PHF21A: variants seen among roughly 807,000 people sequenced by gnomAD.
PHF21A encodes the protein BHC80a.
In PHF21A, 11 loss-of-function variants were observed where a neutral mutation model predicts 82.5. The observed-to-expected ratio is 0.13, with a 90% CI of 0.08 to 0.22. The LOEUF is 0.22. PHF21A is among the 10% of genes least tolerant of loss of function. PHF21A has a pLI of 1.00. For missense variants in PHF21A, 579 were observed against 837.8 expected (o/e 0.69, Z 3.81); for synonymous variants, 297 against 302.8 (o/e 0.98, Z 0.20).
chr11:46,052,214 G>C (rs929542116), intron 6 of PHF21A, among the ~76,000 whole-genome samples: 9 of 152,170 alleles, frequency 5.9e-5, no homozygotes, highest in African/African-American at 2.2e-4. Flanking sequence ...CTCTTCAATG[G>C]AGTTGATTAA....
intron 6 of PHF21A, among the ~76,000 whole-genome samples, chr11:46,068,125 T>A (rs779853827): frequency 1.3e-5 from 2 of 151,946 alleles, no homozygotes; most frequent in African/African-American, 2.4e-5. Flanking sequence ...TGAGAATGAG[T>A]TGCTAAAGGT....
intron 6 of PHF21A, among the ~76,000 whole-genome samples, chr11:46,071,258 C>T (rs183828950): frequency 2.6e-5 from 4 of 152,250 alleles, no homozygotes; most frequent in Admixed American, 6.5e-5. Context: ...AAAATGAATA[C>T]GCCCCAGGTA....
At chr11:45,963,790 AAAC>A (rs2093264821) in intron 10 of PHF21A, among the ~76,000 whole-genome samples, 1 of 152,184 alleles carries the variant, frequency 6.6e-6, no homozygotes, top group Non-Finnish European at 1.5e-5. Context: ...AGCCAGTGCA[AAAC>A]AACAGGTCCC....
rs1175090541 is a variant in PHF21A, at chr11:45,971,260, A to T, written c.468T>A (p.Ile156=). 2 of 1,614,018 alleles carry T rather than the reference A, an allele frequency of 1.2e-6. No homozygotes were observed. Residue 156 remains isoleucine, a synonymous_variant, in exon 8 of 19, where the codon ATT becomes ATA. Transcript: ENST00000676320. ...GACTGTTGATGGCGGTCACCATAGC[A>T]ATGGTAGGTCTCTGGCCCACCACAG... The part of the protein sequence containing the change: ...PASVVGQRPT[I]AMVTAINSQK...
At chr11:45,995,448 G>GT (rs143194121) in intron 6 of PHF21A, among the ~76,000 whole-genome samples, 233 of 152,312 alleles carry the variant, frequency 1.5e-3, no homozygotes, top group Non-Finnish European at 2.3e-3. Flanking sequence ...GCATGTTTGT[G>GT]TGACAGTTAT....
Position 45,969,920 on chromosome 11 carries a change from G to C in PHF21A, c.613-16C>G. 1 of 1,559,298 alleles carries C rather than the reference G, an allele frequency of 6.4e-7. No individual in the cohort carries two copies. The highest frequency in any genetic ancestry group is 8.8e-7 in the Non-Finnish European group (1 of 1,132,302). On this transcript the variant is annotated splice_polypyrimidine_tract_variant and intron_variant, in intron 8 of 18. Transcript: ENST00000676320. ...CCTGAACCTGCTAAAAAATGAGGAA[G>C]ATAAATAAACCAGAGAGAACAATTA...
Position 45,929,511 on chromosome 11 carries a change from T to C in PHF21A, c.*4457A>G, listed in dbSNP as rs1346918021. ...CAAAGGGCATGGACAAGAGACAGGG[T>C]TGGGGTCTGGCTGGCTCTTCTCTGC... is the stretch of plus-strand genomic sequence containing the variant. On this transcript the variant is annotated 3_prime_UTR_variant, in exon 19 of 19. Transcript: ENST00000676320. 2.0e-5 allele frequency: 3 copies of C among 152,936 alleles called. No individual in the cohort carries two copies. The highest frequency in any genetic ancestry group is 2.1e-4 in the South Asian group (1 of 4,872). 9.5% of individuals were successfully genotyped at this position (152,936 alleles called of 1,614,324 possible). A position where few individuals can be genotyped will look rare whatever the true frequency, so the allele number is the denominator to read the frequency against.
chr11:46,054,807 T>A (rs2096427183), intron 6 of PHF21A, among the ~76,000 whole-genome samples: 1 of 152,168 alleles, frequency 6.6e-6, no homozygotes, highest in African/African-American at 2.4e-5. Flanking sequence ...TGTGACTGAA[T>A]GAATTAAATG....
chr11:45,976,591 C>T (rs1026792173), intron 7 of PHF21A, among the ~76,000 whole-genome samples: 1 of 152,148 alleles, frequency 6.6e-6, no homozygotes, highest in African/African-American at 2.4e-5. Flanking sequence ...TCTGTAATCC[C>T]AACACTGTGG....
chr11:46,017,366 AAAG>A (rs2137655831), intron 6 of PHF21A, among the ~76,000 whole-genome samples: 1 of 152,352 alleles, frequency 6.6e-6, no homozygotes, highest in East Asian at 1.9e-4. Context: ...CAGAACGACT[AAAG>A]AAGTAGGAGA....
In PHF21A at chr11:46,121,203, T is replaced by TCTCG. The variant is rs1853194011; in HGVS notation, c.-506_-505insCGAG. The TCTCG allele has an allele frequency of 7.6e-6, 1 of 131,052 alleles. No individual in the cohort carries two copies. The highest frequency in any genetic ancestry group is 2.9e-4 in the South Asian group (1 of 3,430). The allele number at this position is 131,052 out of a possible 1,614,324, so 8.1% of individuals were successfully genotyped here. A position where few individuals can be genotyped will look rare whatever the true frequency, so the allele number is the denominator to read the frequency against. ...CTCACTCTCTCTCTCTCTCTCTCTC[T>TCTCG]GGGCTGTTTCTTTCCTCCTCTTCCC... is the stretch of plus-strand genomic sequence containing the variant. On this transcript the variant is annotated 5_prime_UTR_variant, in exon 1 of 19. Transcript: ENST00000676320.
chr11:45,946,027 A>G (rs758653240), intron 14 of PHF21A, 24 bp from the exon 15 acceptor site: 1 of 1,614,118 alleles, frequency 6.2e-7, no homozygotes, highest in South Asian at 1.1e-5. Flanking sequence ...GAAGGGAACA[A>G]AAGGGAAAAA....
At chr11:46,065,824 A>G (rs1021629568) in intron 6 of PHF21A, among the ~76,000 whole-genome samples, 78 of 152,334 alleles carry the variant, frequency 5.1e-4, no homozygotes, top group African/African-American at 1.9e-3. Flanking sequence ...AGAGGCTCAC[A>G]ATCTAGAGAG....
intron 6 of PHF21A, among the ~76,000 whole-genome samples, chr11:46,009,328 T>C (rs1205486694): frequency 2.0e-5 from 3 of 152,148 alleles, no homozygotes; most frequent in African/African-American, 7.2e-5. Context: ...CTGGAGTACC[T>C]TTTTTCTTTC....
chr11:46,033,136 G>A (rs891347724), intron 6 of PHF21A, among the ~76,000 whole-genome samples: 2 of 152,076 alleles, frequency 1.3e-5, no homozygotes, highest in African/African-American at 4.8e-5. Flanking sequence ...AATTCTCCAT[G>A]TTGATACATA....
At chr11:46,028,462 G>A (rs571438656) in intron 6 of PHF21A, among the ~76,000 whole-genome samples, 2 of 151,570 alleles carry the variant, frequency 1.3e-5, no homozygotes, top group East Asian at 3.9e-4. Flanking sequence ...ACTGCATTTT[G>A]AGGAAAAAAA....
At chr11:46,029,669 C>CAA (rs542384009) in intron 6 of PHF21A, among the ~76,000 whole-genome samples, 248 of 96,784 alleles carry the variant, frequency 2.6e-3, no homozygotes, top group Middle Eastern at 6.4e-3. Flanking sequence ...GCCTCCGTCT[C>CAA]AAAAAAAAAA....
intron 6 of PHF21A, among the ~76,000 whole-genome samples, chr11:46,061,205 G>T (rs912229560): frequency 3.3e-5 from 5 of 152,158 alleles, no homozygotes; most frequent in African/African-American, 1.2e-4. Context: ...TTTGGTCACT[G>T]TGACCCTGTA....
At chr11:45,990,830 C>G (rs2094673770) in intron 6 of PHF21A, among the ~76,000 whole-genome samples, 1 of 152,056 alleles carries the variant, frequency 6.6e-6, no homozygotes, top group African/African-American at 2.4e-5. Context: ...TCCCCACTAT[C>G]AACAAGCTAC....
Sources: gnomAD v4.1 joint callset for allele counts (sites outside exome capture counted in the v4.1 genomes callset) on GRCh38, gnomAD v4.1.1 for gene constraint, MANE v1.5 for transcripts, NCBI Gene and HGNC (gene_info 2026-07-23, HGNC 2026-07-21) for gene names.